The following TNNI3K variants were observed in gnomAD, a reference collection of about 807,000 sequenced individuals.
The protein encoded by TNNI3K is serine/threonine-protein kinase TNNI3K.
A neutral mutation model predicts 114.5 loss-of-function variants in TNNI3K; 140 were observed. That is an observed-to-expected ratio of 1.22 (90% CI 1.07 to 1.41). TNNI3K has a LOEUF of 1.41. Among genes scored for constraint, TNNI3K ranks in the 40% most tolerant of loss-of-function variants. The pLI, the probability that TNNI3K is intolerant of heterozygous loss-of-function variation, is 0.00. For missense variants in TNNI3K, 1,125 were observed against 1,007.6 expected, an observed-to-expected ratio of 1.12 and a Z score of -1.58; for synonymous variants, 347 against 347.5, an observed-to-expected ratio of 1.00 and a Z score of 0.02.
chr1:74,286,977 T>A (rs571712342), intron 5 of TNNI3K, among the ~76,000 whole-genome samples: 1 of 151,928 alleles, frequency 6.6e-6, no homozygotes, highest in South Asian at 2.1e-4. Flanking sequence ...AACACAGATA[T>A]CAGAAGTTCA....
intron 23 of TNNI3K, among the ~76,000 whole-genome samples, chr1:74,530,693 A>G (rs535373728): frequency 6.6e-6 from 1 of 150,516 alleles, no homozygotes; most frequent in East Asian, 2.0e-4. Context: ...AGTGGGCCTT[A>G]TCACTGTCAT....
intron 4 of TNNI3K, among the ~76,000 whole-genome samples, chr1:74,253,926 C>G (rs1279397520): frequency 6.6e-6 from 1 of 152,220 alleles, no homozygotes; most frequent in Admixed American, 6.5e-5. Flanking sequence ...GTTCACACTA[C>G]CAGGCATTAA....
intron 5 of TNNI3K, among the ~76,000 whole-genome samples, chr1:74,272,223 A>C (rs372703343): frequency 6.6e-6 from 1 of 151,932 alleles, no homozygotes; most frequent in Non-Finnish European, 1.5e-5. Flanking sequence ...TGCTGGGATG[A>C]CAGTAGCAAG....
intron 23 of TNNI3K, among the ~76,000 whole-genome samples, chr1:74,521,225 T>C (rs1385329640): frequency 6.6e-6 from 1 of 152,198 alleles, no homozygotes; most frequent in Non-Finnish European, 1.5e-5. Flanking sequence ...TGGGTTCACA[T>C]TGTGGCACTG....
At chr1:74,442,965 T>C (rs1267560459) in intron 20 of TNNI3K, among the ~76,000 whole-genome samples, 1 of 151,978 alleles carries the variant, frequency 6.6e-6, no homozygotes, top group African/African-American at 2.4e-5. Flanking sequence ...TTGAAACCAG[T>C]GAGAACAAAG....
intron 2 of TNNI3K, among the ~76,000 whole-genome samples, chr1:74,243,326 T>C (rs192088269): frequency 6.6e-6 from 1 of 152,180 alleles, no homozygotes; most frequent in African/African-American, 2.4e-5. Context: ...ATAGTCTGCT[T>C]CTATTGTTTG....
chr1:74,324,351 A>C (rs1412770641), intron 5 of TNNI3K, among the ~76,000 whole-genome samples: 1 of 152,248 alleles, frequency 6.6e-6, no homozygotes, highest in Non-Finnish European at 1.5e-5. Flanking sequence ...GCAACTCAAC[A>C]AAGCACATGA....
intron 6 of TNNI3K, among the ~76,000 whole-genome samples, chr1:74,334,542 A>G (rs916799665): frequency 2.0e-5 from 3 of 152,198 alleles, no homozygotes; most frequent in African/African-American, 7.2e-5. Flanking sequence ...GAGAGCCAAT[A>G]TCAAGTTTAC....
intron 17 of TNNI3K, among the ~76,000 whole-genome samples, chr1:74,422,751 T>A (rs1485226450): frequency 6.6e-6 from 1 of 151,654 alleles, no homozygotes; most frequent in Non-Finnish European, 1.5e-5. Context: ...CAGCTATACA[T>A]AAATCAAGAC....
rs1669110966 is a variant in TNNI3K at position 74,492,152 on chromosome 1, C to T, written c.2237C>T (p.Ser746Phe). The change falls in exon 23 of 25, where the codon TCT becomes TTT. Residue 746 changes from serine (S) to phenylalanine (F), a missense_variant. Coordinates refer to ENST00000326637, the MANE Select transcript of TNNI3K (RefSeq NM_015978.3). ...SSGSLSPSSS[S>F]DCLVNRGGPG... ...GGGTCTCTCTCACCTTCTTCTTCTT[C>T]TGATTGCCTGGTGAACCGGGGAGGA... 3.7e-6 allele frequency: 6 copies of T among 1,613,010 alleles called. No homozygotes were observed. The highest frequency in any genetic ancestry group is 5.1e-6 in the Non-Finnish European group (6 of 1,179,196).
At chr1:74,371,999 A>G (rs954291851) in intron 17 of TNNI3K, 2 of 151,488 alleles carry the variant, frequency 1.3e-5, no homozygotes, top group African/African-American at 4.8e-5. Context: ...AGTTTATTCA[A>G]GCTCAAAGCT....
chr1:74,456,323 G>A (rs1031801304), intron 20 of TNNI3K, among the ~76,000 whole-genome samples: 2 of 152,094 alleles, frequency 1.3e-5, no homozygotes, highest in Admixed American at 1.3e-4. Flanking sequence ...AGATTTATGA[G>A]GGAAATTATC....
chr1:74,369,279 GA>G lies in TNNI3K; in HGVS notation c.1472+21del. On this transcript the variant is annotated intron_variant, in intron 15 of 24. Transcript: ENST00000326637. Reference sequence around the variant, plus strand: ...GCTATAAAACGGTAAGCAAGCAAATGAAAAAATTTAACATCCAGGTGGAATT... The same window carrying G: ...GCTATAAAACGGTAAGCAAGCAAATGAAAAATTTAACATCCAGGTGGAATT... The G allele has an allele frequency of 6.2e-7, 1 of 1,611,386 alleles. No homozygotes were observed. Among genetic ancestry groups the G allele is most frequent in the Non-Finnish European group, 8.5e-7 (1 of 1,178,832 alleles).
chr1:74,253,275 C>G (rs1389720040), intron 4 of TNNI3K, among the ~76,000 whole-genome samples: 1 of 152,204 alleles, frequency 6.6e-6, no homozygotes, highest in Non-Finnish European at 1.5e-5. Flanking sequence ...GCTGGCTTCA[C>G]CCAGTGGATC....
chr1:74,358,705 A>G (rs2100492970), intron 11 of TNNI3K, among the ~76,000 whole-genome samples: 1 of 152,088 alleles, frequency 6.6e-6, no homozygotes, highest in East Asian at 1.9e-4. Flanking sequence ...CCATGTGTGA[A>G]TTTTTGTTTT....
intron 20 of TNNI3K, among the ~76,000 whole-genome samples, chr1:74,450,159 G>T (rs959895774): frequency 3.4e-5 from 5 of 147,862 alleles, no homozygotes; most frequent in Non-Finnish European, 7.4e-5. Flanking sequence ...ATGACTACTG[G>T]GTACATAACG....
intron 11 of TNNI3K, among the ~76,000 whole-genome samples, chr1:74,360,973 T>A (rs923262803): frequency 2.6e-5 from 4 of 152,152 alleles, no homozygotes; most frequent in Non-Finnish European, 4.4e-5. Context: ...CTTGTTGAAA[T>A]CAGTAAGAGA....
intron 9 of TNNI3K, among the ~76,000 whole-genome samples, chr1:74,349,277 A>G (rs1046831886): frequency 1.3e-5 from 2 of 152,100 alleles, no homozygotes; most frequent in African/African-American, 4.8e-5. Flanking sequence ...TATATGCTGG[A>G]TTACATTTAT....
At chr1:74,497,451 A>G (rs1669385652) in intron 23 of TNNI3K, among the ~76,000 whole-genome samples, 1 of 151,938 alleles carries the variant, frequency 6.6e-6, no homozygotes, top group African/African-American at 2.4e-5. Context: ...ACAATCAGCA[A>G]TTTCAGCACC....
Sources: gnomAD v4.1 joint callset for allele counts (sites outside exome capture counted in the v4.1 genomes callset) on GRCh38, gnomAD v4.1.1 for gene constraint, MANE v1.5 for transcripts, NCBI Gene and HGNC (gene_info 2026-07-23, HGNC 2026-07-21) for gene names.